The following AGBL2 variants were observed in gnomAD, a reference collection of about 807,000 sequenced individuals.
The protein encoded by AGBL2 is AGBL carboxypeptidase 2.
A neutral mutation model predicts 103.0 loss-of-function variants in AGBL2; 87 were observed. The ratio of observed to expected loss-of-function variants is 0.84; its 90% CI spans 0.71 to 1.01. The LOEUF (loss-of-function observed/expected upper bound fraction) is 1.01. Ranked by LOEUF, AGBL2 falls within the 50% of genes least tolerant of loss-of-function variation. The probability of loss-of-function intolerance (pLI) is 0.00; values close to 1 mark genes in which losing one functional copy is unlikely to be tolerated. For missense variants in AGBL2, 904 were observed against 1,023.5 expected (o/e 0.88, Z 1.59); for synonymous variants, 335 against 356.7 (o/e 0.94, Z 0.69).
At chr11:47,696,024 AAAAAAAAAAAAAG>A (rs1376132423) in intron 8 of AGBL2, among the ~76,000 whole-genome samples, 6 of 32,956 alleles carry the variant, frequency 1.8e-4, no homozygotes, top group Non-Finnish European at 2.7e-4. Flanking sequence ...AAAAAAAAAA[AAAAAAAAAAAAAG>A]AAAAAAAAAA....
chr11:47,667,606 A>C lies in AGBL2; in HGVS notation c.2305T>G (p.Leu769Val), dbSNP rs774370452. 24 of 1,613,826 alleles carry C rather than the reference A, an allele frequency of 1.5e-5. No individual in the cohort carries two copies. The highest frequency in any genetic ancestry group is 1.9e-5 in the Non-Finnish European group (23 of 1,179,968). The change falls in exon 16 of 19, where the codon TTG becomes GTG. Residue 769 changes from leucine to valine, a missense_variant. Coordinates refer to ENST00000525123, the MANE Select transcript of AGBL2 (RefSeq NM_024783.4). The part of the protein sequence containing the change: ...QRNEQYQKKN[L>V]MQKLKLTEDT... ...TCTGTTAACTTTAACTTCTGCATCAAATTTTTTTTCTGATACTGCTCATTT... is the reference window on the plus strand; with the variant it reads ...TCTGTTAACTTTAACTTCTGCATCACATTTTTTTTCTGATACTGCTCATTT...
chr11:47,692,139 C>A lies in AGBL2; in HGVS notation c.812G>T (p.Arg271Met). The stretch of plus-strand genomic sequence containing the variant: ...TTTTTGCAGATTCCCACTCTCAAAC[C>A]TTGATTCAAACAGTAGAGTATTATC... ...PEDNTLLFES[R>M]FESGNLQKAV... The change falls in exon 9 of 19, where the codon AGG becomes ATG. Residue 271 changes from arginine to methionine, a missense_variant. Transcript: ENST00000525123. 1 of 1,612,804 alleles carries A rather than the reference C, an allele frequency of 6.2e-7. No homozygotes were observed. Among genetic ancestry groups the A allele is most frequent in the Non-Finnish European group, 8.5e-7 (1 of 1,179,172 alleles).
intron 8 of AGBL2, among the ~76,000 whole-genome samples, 157 bp from the exon 9 acceptor site, chr11:47,692,413 T>A (rs2097451218): frequency 7.5e-6 from 1 of 132,856 alleles, no homozygotes. Flanking sequence ...TCTTTTTTTT[T>A]TTTTTTTTTT....
intron 14 of AGBL2, among the ~76,000 whole-genome samples, chr11:47,675,358 C>A (rs2153803211): frequency 6.7e-6 from 1 of 149,830 alleles, no homozygotes; most frequent in South Asian, 2.1e-4. Flanking sequence ...CAGGTGCATA[C>A]CCCGACCCCC....
At chr11:47,681,631 C>A (rs752019268) in intron 12 of AGBL2, among the ~76,000 whole-genome samples, 1 of 152,144 alleles carries the variant, frequency 6.6e-6, no homozygotes, top group Non-Finnish European at 1.5e-5. Flanking sequence ...CCACGCCCAG[C>A]TAATTTTTAG....
intron 8 of AGBL2, among the ~76,000 whole-genome samples, chr11:47,693,905 C>T (rs1261647109): frequency 6.6e-6 from 1 of 152,072 alleles, no homozygotes; most frequent in Non-Finnish European, 1.5e-5. Context: ...ATAACCAGGG[C>T]TTGGCTAGGT....
intron 8 of AGBL2, among the ~76,000 whole-genome samples, chr11:47,693,590 T>A (rs1461005290): frequency 1.3e-5 from 2 of 152,214 alleles, no homozygotes; most frequent in Non-Finnish European, 1.5e-5. Context: ...ATGCCTACCC[T>A]GTGTTAGGAT....
At chr11:47,688,508 C>A (rs1367416825) in intron 10 of AGBL2, among the ~76,000 whole-genome samples, 1 of 152,078 alleles carries the variant, frequency 6.6e-6, no homozygotes, top group Non-Finnish European at 1.5e-5. Context: ...GACACCTATT[C>A]CAGCTTTCCA....
At chr11:47,693,133 T>C (rs2097454569) in intron 8 of AGBL2, among the ~76,000 whole-genome samples, 1 of 151,972 alleles carries the variant, frequency 6.6e-6, no homozygotes, top group Admixed American at 6.6e-5. Context: ...ACCTGTTTCT[T>C]TCTTTCTTCC....
chr11:47,695,543 A>G (rs2097465716), intron 8 of AGBL2, among the ~76,000 whole-genome samples: 1 of 148,784 alleles, frequency 6.7e-6, no homozygotes, highest in Non-Finnish European at 1.5e-5. Flanking sequence ...GGGAGGTTGA[A>G]GTGGGTAGAT....
At chr11:47,678,338 A>ATTTTTTTTTTTTTTTTTT (rs1196435610) in intron 13 of AGBL2, among the ~76,000 whole-genome samples, 30 of 95,286 alleles carry the variant, frequency 3.1e-4, no homozygotes, top group South Asian at 7.6e-4. Flanking sequence ...TTATTTTATT[A>ATTTTTTTTTTTTTTTTTT]TTTTATTTTT....
Position 47,690,313 on chromosome 11 carries a change from T to C in AGBL2, c.1394A>G (p.Glu465Gly). 6.2e-7 allele frequency: 1 copy of C among 1,613,696 alleles called. No homozygotes were observed. Among genetic ancestry groups the C allele is most frequent in the Non-Finnish European group, 8.5e-7 (1 of 1,179,854 alleles). ...VVLSARVHPGESNGSWVMKGF... is the reference protein window; with the variant it reads ...VVLSARVHPGGSNGSWVMKGF... ...TTTCATAACCCAGGAGCCATTACTT[T>C]CTCCAGGGTGAACTCTGGCACTCAA... is the stretch of plus-strand genomic sequence containing the variant. The change falls in exon 10 of 19, where the codon GAA becomes GGA. Residue 465 changes from glutamate (E) to glycine (G), a missense_variant. Transcript: ENST00000525123.
chr11:47,671,760 T>C (rs2153802957), intron 14 of AGBL2, among the ~76,000 whole-genome samples: 1 of 152,316 alleles, frequency 6.6e-6, no homozygotes, highest in African/African-American at 2.4e-5. Context: ...GGTGTTTTTC[T>C]AGTCAAGGAG....
chr11:47,690,347 C>T lies in AGBL2; in HGVS notation c.1360G>A (p.Ala454Thr), dbSNP rs753190905. The T allele has an allele frequency of 2.5e-6, 4 of 1,613,998 alleles. No individual in the cohort carries two copies. The highest frequency in any genetic ancestry group is 2.2e-5 in the East Asian group (1 of 44,888). Residue 454 changes from alanine to threonine, a missense_variant, in exon 10 of 19, where the codon GCT (alanine) becomes ACT (threonine). By Grantham distance (58) the Ala-to-Thr change is moderately conservative. Transcript: ENST00000525123. Reference protein sequence around the residue: ...QTPQEAAAKKAVVLSARVHPG... With the variant: ...QTPQEAAAKKTVVLSARVHPG... ...TGAACTCTGGCACTCAAGACCACAG[C>T]TTTCTTTGCAGCTGCCTCTTGAGGG...
intron 14 of AGBL2, among the ~76,000 whole-genome samples, chr11:47,675,823 T>C (rs571064812): frequency 7.2e-5 from 11 of 152,072 alleles, no homozygotes; most frequent in African/African-American, 2.6e-4. Context: ...CTGGGCAACA[T>C]GGCAAAACCT....
intron 10 of AGBL2, among the ~76,000 whole-genome samples, chr11:47,687,133 AT>A (rs1175405644): frequency 2.4e-5 from 3 of 126,996 alleles, no homozygotes; most frequent in Admixed American, 7.8e-5. Context: ...TATAATAATA[AT>A]AAAAAAATAA....
At chr11:47,683,944 A>C (rs552131378) in intron 11 of AGBL2, among the ~76,000 whole-genome samples, 1 of 151,206 alleles carries the variant, frequency 6.6e-6, no homozygotes, top group Admixed American at 6.6e-5. Context: ...AAAAAAAAAA[A>C]AACTTAAAAA....
At chr11:47,671,366 A>G (rs965820682) in intron 14 of AGBL2, among the ~76,000 whole-genome samples, 1 of 152,016 alleles carries the variant, frequency 6.6e-6, no homozygotes, top group African/African-American at 2.4e-5. Flanking sequence ...AATACAAAAA[A>G]AAAATTAGCT....
intron 14 of AGBL2, among the ~76,000 whole-genome samples, chr11:47,669,966 C>T (rs940405053): frequency 4.6e-5 from 7 of 152,236 alleles, no homozygotes; most frequent in Non-Finnish European, 7.3e-5. Flanking sequence ...ACACCTACTG[C>T]ATGCCAAGCA....
Sources: allele counts gnomAD v4.1 joint callset (sites outside exome capture counted in the v4.1 genomes callset), GRCh38; gene constraint gnomAD v4.1.1; transcripts MANE v1.5; gene names NCBI Gene and HGNC (gene_info 2026-07-23, HGNC 2026-07-21).